The following PLXNA4 variants were observed in gnomAD, a reference collection of about 807,000 sequenced individuals.
The protein encoded by PLXNA4 is plexin-A4.
In PLXNA4, 44 loss-of-function variants were observed where a neutral mutation model predicts 191.8. That is an observed-to-expected ratio of 0.23 (90% CI 0.18 to 0.29). The LOEUF is 0.29. Among genes scored for constraint, PLXNA4 ranks in the 10% least tolerant of loss-of-function variants. The probability of loss-of-function intolerance (pLI) is 1.00; values close to 1 mark genes in which losing one functional copy is unlikely to be tolerated. For synonymous variants in PLXNA4, 1,082 were observed against 1,009.5 expected (o/e 1.07, Z -1.36); for missense variants, 1,800 against 2,488.8 (o/e 0.72, Z 5.89).
chr7:132,487,502 T>A (rs561257793), intron 3 of PLXNA4, among the ~76,000 whole-genome samples: 32 of 152,266 alleles, frequency 2.1e-4, no homozygotes, highest in African/African-American at 7.5e-4. Flanking sequence ...ATTTGCCAAA[T>A]CCTACTGAAG....
chr7:132,151,388 G>A (rs1795612686), intron 25 of PLXNA4, among the ~76,000 whole-genome samples: 1 of 62,436 alleles, frequency 1.6e-5, no homozygotes, highest in Non-Finnish European at 3.5e-5. Flanking sequence ...AGGAGGAGGA[G>A]AAAGGAGGAG....
Position 132,198,381 on chromosome 7 carries a change from CCCA to C in PLXNA4, c.2738+101_2738+103del, listed in dbSNP as rs899081032. The C allele has an allele frequency of 4.4e-5, 65 of 1,467,356 alleles. No individual in the cohort carries two copies. The African/African-American group carries it at 8.0e-4, about 18-fold the overall frequency. The allele number at this position is 1,467,356 out of a possible 1,614,324, so 90.9% of individuals were successfully genotyped here. ...ATATTGGGGTGGTTCTCCTTTTTCCCCCACAACAAGCTCTGAGAGCACCTAGTT... is the reference window on the plus strand; with the variant it reads ...ATATTGGGGTGGTTCTCCTTTTTCCCCAACAAGCTCTGAGAGCACCTAGTT... On this transcript the variant is annotated intron_variant, in intron 13 of 31. Transcript: ENST00000321063.
Position 132,145,453 on chromosome 7 carries a change from CT to C in PLXNA4, c.5056-166del, listed in dbSNP as rs1211521572. On this transcript the variant is annotated intron_variant, in intron 28 of 31. Transcript: ENST00000321063. Reference sequence around the variant, plus strand: ...ATTAAATCATTTTTTCCCATTTCATCTGTCTCTAACAGCTTTAAATTTCCCC... The same window carrying C: ...ATTAAATCATTTTTTCCCATTTCATCGTCTCTAACAGCTTTAAATTTCCCC... 3 of 907,244 alleles carry C rather than the reference CT, an allele frequency of 3.3e-6. No individual in the cohort carries two copies. The African/African-American group carries it at 5.2e-5, about 16-fold the overall frequency. 56.2% of individuals were successfully genotyped at this position (907,244 alleles called of 1,614,324 possible).
chr7:132,438,235 A>T (rs1795551175), intron 3 of PLXNA4, among the ~76,000 whole-genome samples: 1 of 152,232 alleles, frequency 6.6e-6, no homozygotes, highest in African/African-American at 2.4e-5. Context: ...GTATATGACC[A>T]CTTAGAGCTT....
chr7:132,203,177 AG>A, intron 11 of PLXNA4, 145 bp downstream of exon 11: 1 of 707,518 alleles, frequency 1.4e-6, no homozygotes, highest in South Asian at 1.8e-5. Flanking sequence ...GATGGTGGAG[AG>A]GCTGTGAAGG....
intron 10 of PLXNA4, among the ~76,000 whole-genome samples, chr7:132,206,632 C>G (rs936229748): frequency 6.6e-6 from 1 of 152,148 alleles, no homozygotes; most frequent in African/African-American, 2.4e-5. Flanking sequence ...CCCTCAGCCC[C>G]GCTCTGTCTC....
At chr7:132,209,099 T>TA (rs1030050309) in intron 10 of PLXNA4, among the ~76,000 whole-genome samples, 49 of 152,374 alleles carry the variant, frequency 3.2e-4, no homozygotes, top group African/African-American at 1.2e-3. Context: ...AGGGATCTTC[T>TA]GACCAAGAGG....
chr7:132,494,392 C>T (rs1797921635), intron 2 of PLXNA4, among the ~76,000 whole-genome samples: 1 of 152,222 alleles, frequency 6.6e-6, no homozygotes, highest in South Asian at 2.1e-4. Flanking sequence ...CTTCACACCT[C>T]TCCAGGTGAT....
At chr7:132,330,667 G>A (rs960025130) in intron 3 of PLXNA4, among the ~76,000 whole-genome samples, 38 of 152,184 alleles carry the variant, frequency 2.5e-4, no homozygotes, top group Admixed American at 2.4e-3. Flanking sequence ...TTAGGGAAAT[G>A]ACATGGCTGG....
chr7:132,562,641 TTTC>T (rs1801268163), intron 1 of PLXNA4, among the ~76,000 whole-genome samples: 1 of 54,644 alleles, frequency 1.8e-5, no homozygotes, highest in African/African-American at 8.3e-5. Context: ...TCTCCTCCTC[TTTC>T]TCCTCCTCCT....
At chr7:132,318,633 G>C (rs559597897) in intron 3 of PLXNA4, among the ~76,000 whole-genome samples, 13 of 149,876 alleles carry the variant, frequency 8.7e-5, no homozygotes, top group African/African-American at 3.0e-4. Context: ...AGTCTTTTCA[G>C]AGCCTCTGGT....
intron 1 of PLXNA4, among the ~76,000 whole-genome samples, chr7:132,555,399 C>G (rs1229452559): frequency 1.3e-5 from 2 of 152,166 alleles, no homozygotes; most frequent in South Asian, 2.1e-4. Context: ...GTGTTAGAAA[C>G]AGATGTGACT....
intron 4 of PLXNA4, among the ~76,000 whole-genome samples, chr7:132,280,651 C>T (rs1800446746): frequency 6.6e-6 from 1 of 152,108 alleles, no homozygotes; most frequent in African/African-American, 2.4e-5. Flanking sequence ...GGGTAAATTA[C>T]CAAGGAATAG....
In PLXNA4 at chr7:132,140,754, G is replaced by T. The variant is rs200488938; in HGVS notation, c.5283C>A (p.Ile1761=). The T allele has an allele frequency of 1.9e-6, 3 of 1,614,024 alleles. No homozygotes were observed. In the Admixed American group the frequency reaches 5.0e-5, roughly 27 times the overall value. The part of the protein sequence containing the change: ...MIKNPQFVFD[I]HKNSITDACL... ...AGGCGTCTGTGATGCTGTTCTTATG[G>T]ATGTCAAACACAAACTGCGGGTTCT... Residue 1761 remains isoleucine (I), a synonymous_variant, in exon 30 of 32, where the codon ATC becomes ATA. Transcript: ENST00000321063.
intron 21 of PLXNA4, among the ~76,000 whole-genome samples, chr7:132,171,215 T>G (rs993488850): frequency 6.6e-6 from 1 of 152,274 alleles, no homozygotes; most frequent in African/African-American, 2.4e-5. Flanking sequence ...CCATGTGCAA[T>G]GCACAGTGCC....
chr7:132,595,554 A>G (rs539784547), intron 2 of PLXNA4, among the ~76,000 whole-genome samples: 22 of 152,322 alleles, frequency 1.4e-4, no homozygotes, highest in African/African-American at 4.3e-4. Context: ...CTTAAAACCC[A>G]TATTATTTTA....
At chr7:132,147,681 T>C (rs1392882941) in intron 27 of PLXNA4, among the ~76,000 whole-genome samples, 3 of 152,238 alleles carry the variant, frequency 2.0e-5, no homozygotes, top group Non-Finnish European at 4.4e-5. Context: ...AAGTTGGCTT[T>C]ACTTCTTTTG....
chr7:132,255,573 C>T (rs1799403483), intron 4 of PLXNA4, among the ~76,000 whole-genome samples: 1 of 152,184 alleles, frequency 6.6e-6, no homozygotes, highest in Non-Finnish European at 1.5e-5. Context: ...CTGAATACTT[C>T]AGCCCTCAGT....
chr7:132,127,109 C>G lies in PLXNA4; in HGVS notation c.*3370G>C, dbSNP rs1794789808. 1 of 152,022 alleles carries G rather than the reference C, an allele frequency of 6.6e-6. No individual in the cohort carries two copies. Among genetic ancestry groups the G allele is most frequent in the African/African-American group, 2.4e-5 (1 of 41,426 alleles). The allele number at this position is 152,022 out of a possible 1,614,324, so 9.4% of individuals were successfully genotyped here. A position where few individuals can be genotyped will look rare whatever the true frequency, so the allele number is the denominator to read the frequency against. On this transcript the variant is annotated 3_prime_UTR_variant, in exon 32 of 32. Coordinates refer to ENST00000321063, the MANE Select transcript of PLXNA4 (RefSeq NM_020911.2). ...CCTTAAAATTTAGGACCCCACAAAG[C>G]CCCCTTCTTCCCTGCTACCTTAAGC...
Sources: gnomAD v4.1 joint callset for allele counts (sites outside exome capture counted in the v4.1 genomes callset) on GRCh38, gnomAD v4.1.1 for gene constraint, MANE v1.5 for transcripts, NCBI Gene and HGNC (gene_info 2026-07-23, HGNC 2026-07-21) for gene names.